TAOK1: variants seen among roughly 807,000 people sequenced by gnomAD.
TAOK1 encodes TAO kinase 1.
TAOK1 carries 21 observed loss-of-function variants against 138.3 expected under a neutral mutation model. That is an observed-to-expected ratio of 0.15 (90% CI 0.11 to 0.22). The LOEUF (loss-of-function observed/expected upper bound fraction) is 0.22. TAOK1 is among the 10% of genes least tolerant of loss of function. The pLI is 1.00. For synonymous variants in TAOK1, 361 were observed against 398.4 expected, an observed-to-expected ratio of 0.91 and a Z score of 1.12; for missense variants, 651 against 1,227.7, an observed-to-expected ratio of 0.53 and a Z score of 7.02.
rs1190348682 is a variant in TAOK1, at chr17:29,530,443, A to G, written c.2185A>G (p.Thr729Ala). 5.0e-6 allele frequency: 8 copies of G among 1,614,156 alleles called. No homozygotes were observed. The highest frequency in any genetic ancestry group is 6.8e-6 in the Non-Finnish European group (8 of 1,180,026). ...CCAAATAAAAAAGCAGTTTCAGGAT[A>G]CCTGCAAAATCCAAACCAGACAGTA... ...ELQIKKQFQDTCKIQTRQYKA... is the reference protein window; with the variant it reads ...ELQIKKQFQDACKIQTRQYKA... The change falls in exon 18 of 20, where the codon ACC becomes GCC. Residue 729 changes from threonine (T) to alanine (A), a missense_variant. Transcript: ENST00000261716.
chr17:29,467,280 C>CTTTTT, intron 3 of TAOK1, 64 bp downstream of exon 3: 1 of 889,154 alleles, frequency 1.1e-6, no homozygotes. Context: ...TATATACATT[C>CTTTTT]TTTTTTTTTT....
intron 18 of TAOK1, among the ~76,000 whole-genome samples, chr17:29,532,407 A>G (rs1394844195): frequency 6.8e-6 from 1 of 148,094 alleles, no homozygotes; most frequent in African/African-American, 2.5e-5. Context: ...GGGATTTGGC[A>G]GGGTCATAGG....
At chr17:29,539,608 G>C (rs564750097) in intron 19 of TAOK1, among the ~76,000 whole-genome samples, 1 of 152,074 alleles carries the variant, frequency 6.6e-6, no homozygotes, top group Non-Finnish European at 1.5e-5. Context: ...GGCTAATCAT[G>C]TATTTTTACT....
At chr17:29,402,940 C>T (rs1350578985) in intron 1 of TAOK1, among the ~76,000 whole-genome samples, 1 of 149,892 alleles carries the variant, frequency 6.7e-6, no homozygotes, top group Non-Finnish European at 1.5e-5. Context: ...TTTGGGAGGC[C>T]GAAGTGGGCA....
At chr17:29,465,167 TCTCA>T (rs1205610083) in intron 2 of TAOK1, among the ~76,000 whole-genome samples, 1 of 115,224 alleles carries the variant, frequency 8.7e-6, no homozygotes, top group African/African-American at 3.4e-5. Flanking sequence ...TGAGATGGAC[TCTCA>T]CTCTGTTGCC....
chr17:29,511,072 A>G, intron 15 of TAOK1, 80 bp downstream of exon 15: 1 of 1,344,906 alleles, frequency 7.4e-7, no homozygotes, highest in Non-Finnish European at 1.0e-6. Context: ...TAGAAGCATT[A>G]GGATAAAATT....
At chr17:29,539,530 G>A (rs990738072) in intron 19 of TAOK1, among the ~76,000 whole-genome samples, 20 of 152,160 alleles carry the variant, frequency 1.3e-4, no homozygotes, top group African/African-American at 2.4e-4. Flanking sequence ...TCCGGCTCCC[G>A]GGTTCAAGCA....
At chr17:29,455,545 TC>T (rs2030355500) in intron 2 of TAOK1, among the ~76,000 whole-genome samples, 2 of 150,626 alleles carry the variant, frequency 1.3e-5, no homozygotes, top group Admixed American at 6.6e-5. Context: ...GTTGTCTTGT[TC>T]CTGATAGTAG....
chr17:29,445,978 T>C (rs749383551), intron 1 of TAOK1, among the ~76,000 whole-genome samples: 12 of 152,208 alleles, frequency 7.9e-5, no homozygotes, highest in Non-Finnish European at 1.6e-4. Flanking sequence ...GTTACTTTCT[T>C]GAGTGACTTT....
intron 8 of TAOK1, among the ~76,000 whole-genome samples, chr17:29,487,271 A>G (rs936424070): frequency 1.3e-4 from 18 of 141,842 alleles, no homozygotes; most frequent in Admixed American, 1.1e-3. Flanking sequence ...AAAAAAAAAA[A>G]AAAAGTATTA....
intron 19 of TAOK1, among the ~76,000 whole-genome samples, chr17:29,541,549 G>C (rs961585990): frequency 6.6e-6 from 1 of 151,470 alleles, no homozygotes; most frequent in African/African-American, 2.4e-5. Flanking sequence ...GCTGAGGCGG[G>C]AGGATCATCT....
intron 8 of TAOK1, among the ~76,000 whole-genome samples, chr17:29,486,758 G>A (rs913501512): frequency 2.0e-5 from 3 of 152,098 alleles, no homozygotes; most frequent in Non-Finnish European, 4.4e-5. Context: ...TAATTTAATA[G>A]TGAATGACAA....
chr17:29,528,815 G>C (rs1447016550), intron 17 of TAOK1, among the ~76,000 whole-genome samples: 6 of 112,702 alleles, frequency 5.3e-5, no homozygotes, highest in Non-Finnish European at 9.8e-5. Flanking sequence ...ACTCCAGCCT[G>C]AGCAACAGAA....
In TAOK1 at chr17:29,544,955, G is replaced by A. The variant is rs1320884766; in HGVS notation, c.*1933G>A. On this transcript the variant is annotated 3_prime_UTR_variant, in exon 20 of 20. Transcript: ENST00000261716. ...CAAATTTTAAGTCTTTCCCAGGTAT[G>A]TCAGTCGAGTTGCCATGAATCCTCA... The A allele has an allele frequency of 7.2e-5, 11 of 152,222 alleles. No individual in the cohort carries two copies. The highest frequency in any genetic ancestry group is 2.4e-4 in the African/African-American group (10 of 41,460). The allele number at this position is 152,222 out of a possible 1,614,324, so 9.4% of individuals were successfully genotyped here.
At chr17:29,492,723 C>G (rs576130917) in intron 10 of TAOK1, among the ~76,000 whole-genome samples, 23 of 151,974 alleles carry the variant, frequency 1.5e-4, no homozygotes, top group African/African-American at 5.3e-4. Flanking sequence ...ACCTGGGAGG[C>G]GGAGGTAGTG....
chr17:29,444,643 C>T (rs2153023683), intron 1 of TAOK1, among the ~76,000 whole-genome samples: 1 of 152,198 alleles, frequency 6.6e-6, no homozygotes, highest in South Asian at 2.1e-4. Flanking sequence ...TACTTTGGAG[C>T]TTTTGCCTTT....
chr17:29,476,880 C>G (rs1259394150), intron 4 of TAOK1, among the ~76,000 whole-genome samples: 1 of 151,864 alleles, frequency 6.6e-6, no homozygotes. Context: ...GAGTCTCACT[C>G]TGTCGCCCAG....
chr17:29,402,320 TA>T (rs1478904230), intron 1 of TAOK1, among the ~76,000 whole-genome samples: 2 of 152,176 alleles, frequency 1.3e-5, no homozygotes, highest in Admixed American at 1.3e-4. Context: ...TTAATTTTTT[TA>T]AGACGGTCTC....
At chr17:29,459,371 T>G (rs2030476601) in intron 2 of TAOK1, among the ~76,000 whole-genome samples, 1 of 152,202 alleles carries the variant, frequency 6.6e-6, no homozygotes, top group African/African-American at 2.4e-5. Context: ...AAACACCGCC[T>G]GCTGGGTTCA....
Sources: gnomAD v4.1 joint callset for allele counts (sites outside exome capture counted in the v4.1 genomes callset) on GRCh38, gnomAD v4.1.1 for gene constraint, MANE v1.5 for transcripts, NCBI Gene and HGNC (gene_info 2026-07-23, HGNC 2026-07-21) for gene names.